SYNPR: variants seen among roughly 807,000 people sequenced by gnomAD.
SYNPR encodes the protein synaptoporin.
A neutral mutation model predicts 32.9 loss-of-function variants in SYNPR; 23 were observed. That is an observed-to-expected ratio of 0.70 (90% CI 0.50 to 0.99). SYNPR has a LOEUF of 0.99. Ranked by LOEUF, SYNPR falls within the 50% of genes least tolerant of loss-of-function variation. The pLI is 0.00. For missense variants in SYNPR, 318 were observed against 349.3 expected (o/e 0.91, Z 0.71); for synonymous variants, 146 against 135.9 (o/e 1.07, Z -0.52).
intron 2 of SYNPR, among the ~76,000 whole-genome samples, chr3:63,265,547 C>A (rs1384689859): frequency 6.6e-6 from 1 of 152,120 alleles, no homozygotes; most frequent in East Asian, 1.9e-4. Flanking sequence ...CCACTGCGCC[C>A]AGTCAATGGC....
chr3:63,420,073 G>A (rs980220853), intron 2 of SYNPR, among the ~76,000 whole-genome samples: 2 of 152,054 alleles, frequency 1.3e-5, no homozygotes, highest in South Asian at 4.2e-4. Context: ...TGAAAAAGAA[G>A]ACAAGAAAAA....
chr3:63,408,319 G>GAAATAAA (rs1553876977), intron 2 of SYNPR, among the ~76,000 whole-genome samples: 2 of 16,814 alleles, frequency 1.2e-4, no homozygotes, highest in East Asian at 4.0e-3. Context: ...AAGGAAGGAA[G>GAAATAAA]GAAAGAAAGA....
intron 3 of SYNPR, among the ~76,000 whole-genome samples, chr3:63,555,076 T>A (rs1211581005): frequency 6.6e-6 from 1 of 152,122 alleles, no homozygotes; most frequent in East Asian, 1.9e-4. Context: ...ATCAAAAACT[T>A]ACTAAAATTG....
At chr3:63,424,137 GT>G (rs1699852874) in intron 2 of SYNPR, among the ~76,000 whole-genome samples, 1 of 152,160 alleles carries the variant, frequency 6.6e-6, no homozygotes, top group Non-Finnish European at 1.5e-5. Context: ...ACATATCAAT[GT>G]TAGTTCATTA....
intron 2 of SYNPR, among the ~76,000 whole-genome samples, chr3:63,416,463 T>C (rs1575633110): frequency 7.3e-6 from 1 of 136,922 alleles, no homozygotes; most frequent in Non-Finnish European, 1.5e-5. Context: ...ACCCGGGACG[T>C]GGAGGTTTCA....
chr3:63,446,562 T>G (rs751995692), intron 2 of SYNPR, among the ~76,000 whole-genome samples: 12 of 152,204 alleles, frequency 7.9e-5, no homozygotes, highest in Admixed American at 5.2e-4. Context: ...ATCAATAAGG[T>G]TGAAATTTCT....
At chr3:63,546,729 C>G (rs1011040011) in intron 3 of SYNPR, among the ~76,000 whole-genome samples, 1 of 151,908 alleles carries the variant, frequency 6.6e-6, no homozygotes, top group Non-Finnish European at 1.5e-5. Flanking sequence ...AAAAGTTCCT[C>G]CTATGGAGAC....
intron 3 of SYNPR, among the ~76,000 whole-genome samples, chr3:63,269,308 G>A (rs765451880): frequency 4.6e-5 from 7 of 152,108 alleles, no homozygotes; most frequent in Non-Finnish European, 7.3e-5. Flanking sequence ...GGCCAACAGG[G>A]TGAAACCCCA....
intron 2 of SYNPR, among the ~76,000 whole-genome samples, chr3:63,328,702 T>G (rs2087192169): frequency 6.6e-6 from 1 of 152,154 alleles, no homozygotes; most frequent in African/African-American, 2.4e-5. Context: ...TGATGTGACC[T>G]CAGAGGAACC....
chr3:63,334,871 A>G (rs905638574), intron 2 of SYNPR, among the ~76,000 whole-genome samples: 2 of 152,188 alleles, frequency 1.3e-5, no homozygotes, highest in Non-Finnish European at 1.5e-5. Flanking sequence ...CCAACCTAAT[A>G]GTTCCACTAG....
At chr3:63,231,107 C>G (rs975749997) in intron 1 of SYNPR, among the ~76,000 whole-genome samples, 17 of 152,090 alleles carry the variant, frequency 1.1e-4, no homozygotes, top group African/African-American at 3.9e-4. Context: ...AAGTGCCCAT[C>G]GACCAACAAG....
chr3:63,319,661 T>C (rs2087086764), intron 2 of SYNPR, among the ~76,000 whole-genome samples: 1 of 151,928 alleles, frequency 6.6e-6, no homozygotes, highest in Non-Finnish European at 1.5e-5. Context: ...TCCATGTTCA[T>C]GCATTGAAAA....
At chr3:63,449,137 AAAAGT>A (rs1206884734) in intron 2 of SYNPR, among the ~76,000 whole-genome samples, 2 of 152,212 alleles carry the variant, frequency 1.3e-5, no homozygotes, top group African/African-American at 4.8e-5. Flanking sequence ...GAAAGGAAAG[AAAAGT>A]AAAGAAGATA....
chr3:63,204,852 T>C, the SYNPR span, among the ~76,000 whole-genome samples: 2 of 152,074 alleles, frequency 1.3e-5, no homozygotes, highest in Non-Finnish European at 2.9e-5. Context: ...CATGCCCGGC[T>C]AATTTTTGTA....
At chr3:63,567,370 T>C (rs1179138082) in intron 4 of SYNPR, among the ~76,000 whole-genome samples, 2 of 152,214 alleles carry the variant, frequency 1.3e-5, no homozygotes, top group Non-Finnish European at 2.9e-5. Flanking sequence ...GGAAATTTGA[T>C]TGGGGCATCC....
rs544395826 is a variant in SYNPR, at chr3:63,395,079, C to T, written c.85-85753C>T. Among the ~76,000 whole-genome samples the T allele has an allele frequency of 3.6e-4, 55 of 152,094 alleles. 1 individual carries two copies. Among genetic ancestry groups the T allele is most frequent in the Admixed American group, 2.7e-3 (41 of 15,288 alleles). ...TAAAAGCCCTAAAACAGACTTACTT[C>T]AGGGCCTGACTACTGATCATTAAAC... On this transcript the variant is annotated intron_variant, in intron 2 of 5. Coordinates refer to ENST00000478300, the MANE Select transcript of SYNPR (RefSeq NM_001130003.2).
intron 2 of SYNPR, among the ~76,000 whole-genome samples, chr3:63,299,738 T>C (rs555858252): frequency 1.3e-5 from 2 of 152,292 alleles, no homozygotes; most frequent in South Asian, 4.1e-4. Context: ...ATACTAACTT[T>C]TTCAAATGTG....
In SYNPR at chr3:63,397,091, G is replaced by A. The variant is rs1472547932; in HGVS notation, c.85-83741G>A. Among the ~76,000 whole-genome samples, 13 of 132,500 alleles carry A rather than the reference G, an allele frequency of 9.8e-5. No individual in the cohort carries two copies. In the South Asian group the frequency reaches 1.0e-3, roughly 11 times the overall value. 86.9% of individuals were successfully genotyped at this position (132,500 alleles called of 152,430 possible). A position where few individuals can be genotyped will look rare whatever the true frequency, so the allele number is the denominator to read the frequency against. ...TGCACTCCAGCCTGGGCAACAGAGC[G>A]AGACTCCGTCTCAAAAAAAAAAAAA... On this transcript the variant is annotated intron_variant, in intron 2 of 5. Coordinates refer to ENST00000478300, the MANE Select transcript of SYNPR (RefSeq NM_001130003.2).
At chr3:63,408,277 G>GAGGA (rs71126602) in intron 2 of SYNPR, among the ~76,000 whole-genome samples, 522 of 45,542 alleles carry the variant, frequency 0.011, 55 homozygotes, top group Non-Finnish European at 0.014. Context: ...AAGAAAGAAA[G>GAGGA]AGGAAGGAAG....
Sources: allele counts gnomAD v4.1 joint callset (sites outside exome capture counted in the v4.1 genomes callset), GRCh38; gene constraint gnomAD v4.1.1; transcripts MANE v1.5; gene names NCBI Gene and HGNC (gene_info 2026-07-23, HGNC 2026-07-21).